CEP162: variants seen among roughly 807,000 people sequenced by gnomAD.
CEP162 encodes centrosomal protein of 162 kDa.
In CEP162, 141 loss-of-function variants were observed where a neutral mutation model predicts 169.2. The observed-to-expected ratio is 0.83, with a 90% CI of 0.73 to 0.96. CEP162 has a LOEUF of 0.96. CEP162 is among the 40% of genes least tolerant of loss of function. The pLI is 0.00. For missense variants in CEP162, 1,600 were observed against 1,587.2 expected (o/e 1.01, Z -0.14); for synonymous variants, 540 against 526.4 (o/e 1.03, Z -0.35).
rs2099537169 is a variant in CEP162 at position 84,186,450 on chromosome 6, G to A, written c.1283C>T (p.Pro428Leu). The change falls in exon 12 of 27, where the codon CCA (proline) becomes CTA (leucine). Residue 428 changes from proline (P) to leucine (L), a missense_variant. Transcript: ENST00000403245. ...TTNESMENSC[P>L]QVTEVTATEE... Reference sequence around the variant, plus strand: ...TGTGGCAGTTACTTCAGTTACTTGTGGACAGCTGTTTTCCATACTCTCATT... The same window carrying A: ...TGTGGCAGTTACTTCAGTTACTTGTAGACAGCTGTTTTCCATACTCTCATT... 2.5e-6 allele frequency: 4 copies of A among 1,612,092 alleles called. No individual in the cohort carries two copies. Among genetic ancestry groups the A allele is most frequent in the Non-Finnish European group, 3.4e-6 (4 of 1,178,426 alleles).
At chr6:84,182,795 C>T (rs1408933986) in intron 13 of CEP162, among the ~76,000 whole-genome samples, 2 of 152,160 alleles carry the variant, frequency 1.3e-5, no homozygotes, top group Admixed American at 1.3e-4. Flanking sequence ...CTGCCTATCT[C>T]TGGACTCTTT....
At chr6:84,206,058 C>G (rs1429648245) in intron 6 of CEP162, among the ~76,000 whole-genome samples, 2 of 148,478 alleles carry the variant, frequency 1.3e-5, no homozygotes, top group South Asian at 2.1e-4. Flanking sequence ...CCCTGCTCAA[C>G]GAAATAAAAG....
intron 11 of CEP162, 96 bp downstream of exon 11, chr6:84,193,513 C>A: frequency 1.5e-6 from 1 of 651,278 alleles, no homozygotes; most frequent in Non-Finnish European, 2.6e-6. Flanking sequence ...TAGAGTCAAG[C>A]TAGTATTAGT....
intron 25 of CEP162, among the ~76,000 whole-genome samples, chr6:84,143,119 T>G (rs981882679): frequency 6.6e-6 from 1 of 151,964 alleles, no homozygotes; most frequent in African/African-American, 2.4e-5. Flanking sequence ...AGTTAAATAA[T>G]AAATAGTCAC....
At chr6:84,176,565 C>T (rs914098181) in intron 13 of CEP162, among the ~76,000 whole-genome samples, 3 of 152,138 alleles carry the variant, frequency 2.0e-5, no homozygotes, top group Admixed American at 6.5e-5. Flanking sequence ...TCAGAAAATC[C>T]AAAATCCAAA....
chr6:84,126,395 C>T lies in CEP162; in HGVS notation c.3988G>A (p.Glu1330Lys), dbSNP rs1229581733. Residue 1330 changes from glutamate to lysine, a missense_variant, in exon 26 of 27, where the codon GAA becomes AAA. By Grantham distance (56) the Glu-to-Lys change is moderately conservative (BLOSUM62 1). Coordinates refer to ENST00000403245, the MANE Select transcript of CEP162 (RefSeq NM_014895.4). ...TACTTTACCTGTTGAAGTTCCTGTT[C>T]TCTTTGTGCATGTCTCATTTCCATC... ...KQMEMRHAQREQELQQIIQQT... is the reference protein window; with the variant it reads ...KQMEMRHAQRKQELQQIIQQT... 1.3e-6 allele frequency: 2 copies of T among 1,595,200 alleles called. No individual in the cohort carries two copies. The highest frequency in any genetic ancestry group is 2.3e-5 in the South Asian group (2 of 86,652).
chr6:84,178,298 T>A lies in CEP162; in HGVS notation c.1664-2951A>T, dbSNP rs188012612. On this transcript the variant is annotated intron_variant, in intron 13 of 26. Coordinates refer to ENST00000403245, the MANE Select transcript of CEP162 (RefSeq NM_014895.4). ...TTAAGTCCTTATCTTTAAAGATGCATACGGACATATTTGCAGTTGAAATAA... is the reference window on the plus strand; with the variant it reads ...TTAAGTCCTTATCTTTAAAGATGCAAACGGACATATTTGCAGTTGAAATAA... Among the ~76,000 whole-genome samples, 7 of 152,266 alleles carry A rather than the reference T, an allele frequency of 4.6e-5. No homozygotes were observed. The East Asian group carries it at 1.4e-3, about 29-fold the overall frequency.
At chr6:84,135,807 G>C (rs1480350543) in intron 25 of CEP162, among the ~76,000 whole-genome samples, 1 of 152,176 alleles carries the variant, frequency 6.6e-6, no homozygotes, top group Non-Finnish European at 1.5e-5. Flanking sequence ...AGGTTGCTGT[G>C]AGCCGAGATT....
chr6:84,222,626 T>C (rs2099554150), intron 2 of CEP162, among the ~76,000 whole-genome samples: 1 of 152,268 alleles, frequency 6.6e-6, no homozygotes, highest in Non-Finnish European at 1.5e-5. Context: ...AAGTTGCTAC[T>C]GTTAGTAAGT....
intron 25 of CEP162, among the ~76,000 whole-genome samples, chr6:84,141,244 CA>C (rs1376777160): frequency 3.6e-5 from 5 of 137,172 alleles, no homozygotes; most frequent in South Asian, 2.1e-4. Context: ...GTTTTTATAT[CA>C]AAAAATGATT....
chr6:84,194,682 G>A (rs1588849056), intron 10 of CEP162, among the ~76,000 whole-genome samples: 1 of 152,052 alleles, frequency 6.6e-6, no homozygotes, highest in Non-Finnish European at 1.5e-5. Context: ...TCAATCTCTT[G>A]ACCTCGTGAT....
rs138904266 is a variant in CEP162, at chr6:84,194,932, G to A, written c.979C>T (p.Pro327Ser). The A allele has an allele frequency of 1.9e-5, 31 of 1,612,530 alleles. No individual in the cohort carries two copies. The highest frequency in any genetic ancestry group is 2.5e-5 in the Non-Finnish European group (30 of 1,179,528). The change falls in exon 10 of 27, where the codon CCT becomes TCT. Residue 327 changes from proline (P) to serine (S), a missense_variant. By Grantham distance (74) the Pro-to-Ser change is moderately conservative. Transcript: ENST00000403245. ...TTTGAATTCTCTTCATTTTCTTGAG[G>A]ATGACCTTTCACTGAGCTCTTGATA... ...EDIKSSVKGH[P>S]QENEENSKNI...
rs1273576824 is a variant in CEP162 at position 84,174,198 on chromosome 6, A to G, written c.2026-10T>C. ...CTTCAAAGCTGCTTAACTTGGAGAA[A>G]TTGCAGAAATTGTTTTATTTGGGGA... On this transcript the variant is annotated splice_polypyrimidine_tract_variant and intron_variant, in intron 15 of 26. Coordinates refer to ENST00000403245, the MANE Select transcript of CEP162 (RefSeq NM_014895.4). The G allele has an allele frequency of 6.3e-7, 1 of 1,591,706 alleles. No individual in the cohort carries two copies. Among genetic ancestry groups the G allele is most frequent in the African/African-American group, 1.4e-5 (1 of 74,026 alleles).
At position 84,215,602 on chromosome 6, in the gene CEP162, T is replaced by C. The variant is rs2099551242; in HGVS notation, c.320-137A>G. 6.1e-6 allele frequency: 7 copies of C among 1,146,838 alleles called. No individual in the cohort carries two copies. The South Asian group carries it at 9.2e-5, about 15-fold the overall frequency. 71.0% of individuals were successfully genotyped at this position (1,146,838 alleles called of 1,614,324 possible). A position where few individuals can be genotyped will look rare whatever the true frequency, so the allele number is the denominator to read the frequency against. On this transcript the variant is annotated intron_variant, in intron 4 of 26. Transcript: ENST00000403245. ...TTACTCTCACTCACCAAATATGAAT[T>C]CATATTAATAATACGTAAGGTTTAA...
intron 25 of CEP162, among the ~76,000 whole-genome samples, chr6:84,137,025 T>C (rs16874280): frequency 0.05 from 7,648 of 152,254 alleles, 617 homozygotes; most frequent in African/African-American, 0.17. Context: ...GGAGCCACCG[T>C]GCAAGGATTA....
At chr6:84,198,849 T>C (rs1330915184) in intron 9 of CEP162, among the ~76,000 whole-genome samples, 1 of 152,208 alleles carries the variant, frequency 6.6e-6, no homozygotes, top group Admixed American at 6.5e-5. Flanking sequence ...TTATCCAATG[T>C]CACAAAGCTG....
At chr6:84,154,318 A>G (rs867926762) in intron 22 of CEP162, among the ~76,000 whole-genome samples, 2,202 of 135,728 alleles carry the variant, frequency 0.016, 52 homozygotes, top group African/African-American at 0.077. Context: ...AGGGATATCT[A>G]TCTATCTATC....
Position 84,171,639 on chromosome 6 carries a change from T to A in CEP162, c.2246A>T (p.Asn749Ile), listed in dbSNP as rs1350321569. 3 of 1,541,580 alleles carry A rather than the reference T, an allele frequency of 1.9e-6. No individual in the cohort carries two copies. Among genetic ancestry groups the A allele is most frequent in the African/African-American group, 2.8e-5 (2 of 72,300 alleles). ...KKNEERMFKENQSLFSEVASL... is the reference protein window; with the variant it reads ...KKNEERMFKEIQSLFSEVASL... ...AGCTACCTCACTGAATAAACTTTGG[T>A]TTTCCTTAAACATTCGCTCCTCATT... is the stretch of plus-strand genomic sequence containing the variant. The change falls in exon 17 of 27, where the codon AAC becomes ATC. Residue 749 changes from asparagine to isoleucine, a missense_variant. Coordinates refer to ENST00000403245, the MANE Select transcript of CEP162 (RefSeq NM_014895.4).
rs761211213 is a variant in CEP162, at chr6:84,152,815, G to C, written c.3359C>G (p.Ser1120Ter). The C allele has an allele frequency of 3.7e-6, 6 of 1,613,536 alleles. No individual in the cohort carries two copies. In the East Asian group the frequency reaches 6.7e-5, roughly 18 times the overall value. Residue 1120 changes from serine to a stop codon, truncating the protein, a stop_gained, in exon 23 of 27, where the codon TCA becomes TGA. Coordinates refer to ENST00000403245, the MANE Select transcript of CEP162 (RefSeq NM_014895.4). LOFTEE classifies it high-confidence loss of function. The stretch of plus-strand genomic sequence containing the variant: ...CTCTCTGCCCTTTGAGTTCTGATTT[G>C]ATAGCATCATTCTTCTGTCTTTCTG... Reference protein sequence around the residue: ...RLQKDRRMMLSNQNSKGREEM... With the variant: ...RLQKDRRMML
Sources: gnomAD v4.1 joint callset for allele counts (sites outside exome capture counted in the v4.1 genomes callset) on GRCh38, gnomAD v4.1.1 for gene constraint, MANE v1.5 for transcripts, NCBI Gene and HGNC (gene_info 2026-07-23, HGNC 2026-07-21) for gene names.